PHKG2: variants seen among roughly 807,000 people sequenced by gnomAD.
PHKG2 encodes phosphorylase b kinase gamma catalytic chain, liver/testis isoform.
A neutral mutation model predicts 44.5 loss-of-function variants in PHKG2; 28 were observed. The observed-to-expected ratio is 0.63, with a 90% confidence interval of 0.47 to 0.86. The LOEUF (loss-of-function observed/expected upper bound fraction) is 0.86. Ranked by LOEUF, PHKG2 falls within the 40% of genes least tolerant of loss-of-function variation. PHKG2 has a pLI of 0.00. For missense variants in PHKG2, 498 were observed against 547.5 expected, an observed-to-expected ratio of 0.91 and a Z score of 0.90; for synonymous variants, 220 against 211.2, an observed-to-expected ratio of 1.04 and a Z score of -0.36.
rs376772095 is a variant in PHKG2, at chr16:30,759,440, C to T, written c.*2343C>T. ...AGCAGCTGTTCCTCTTTGAAGAGGT[C>T]GATGCTGAAAGGAGGCCGCTGTGGT... is the stretch of plus-strand genomic sequence containing the variant. On this transcript the variant is annotated 3_prime_UTR_variant, in exon 10 of 10. Transcript: ENST00000563588. 20 of 1,614,180 alleles carry T rather than the reference C, an allele frequency of 1.2e-5. No homozygotes were observed. Among genetic ancestry groups the T allele is most frequent in the Admixed American group, 3.3e-5 (2 of 60,018 alleles).
chr16:30,757,017 C>G lies in PHKG2; in HGVS notation c.1141C>G (p.Pro381Ala). Residue 381 changes from proline (P) to alanine (A), a missense_variant, in exon 10 of 10, where the codon CCT becomes GCT. Transcript: ENST00000563588. ...AALFQHRPPG[P>A]FPIMGPEEEG... ...TCTCTTTCAGCACCGGCCCCCTGGG[C>G]CTTTTCCCATCATGGGCCCTGAAGA... The G allele has an allele frequency of 6.2e-7, 1 of 1,612,334 alleles. No individual in the cohort carries two copies. The highest frequency in any genetic ancestry group is 8.5e-7 in the Non-Finnish European group (1 of 1,180,012).
chr16:30,753,810 C>T (rs1311763689), intron 6 of PHKG2, among the ~76,000 whole-genome samples: 16 of 152,042 alleles, frequency 1.1e-4, no homozygotes. Context: ...CAGGGGAACC[C>T]GGAGGAAGGA....
chr16:30,759,887 T>C lies in PHKG2; in HGVS notation c.*2790T>C. On this transcript the variant is annotated 3_prime_UTR_variant, in exon 10 of 10. Coordinates refer to ENST00000563588, the MANE Select transcript of PHKG2 (RefSeq NM_000294.3). ...TGTAACAAATACTGAATACCCACTA[T>C]ATGCCCACTGTATGGTTTTCGGCAC... 4 of 1,446,538 alleles carry C rather than the reference T, an allele frequency of 2.8e-6. No homozygotes were observed. The highest frequency in any genetic ancestry group is 3.6e-6 in the Non-Finnish European group (4 of 1,103,856). The allele number at this position is 1,446,538 out of a possible 1,614,324, so 89.6% of individuals were successfully genotyped here.
Position 30,759,244 on chromosome 16 carries a change from G to A in PHKG2, c.*2147G>A, listed in dbSNP as rs367827173. ...ATGTAAGTCAAAGACAGATCCAGCC[G>A]CACCTGGGAAGCAAGGCAGAGGGAG... On this transcript the variant is annotated 3_prime_UTR_variant, in exon 10 of 10. Transcript: ENST00000563588. 56 of 1,613,990 alleles carry A rather than the reference G, an allele frequency of 3.5e-5. No individual in the cohort carries two copies. The highest frequency in any genetic ancestry group is 4.4e-5 in the Non-Finnish European group (52 of 1,180,036).
chr16:30,753,822 C>A (rs954144508), intron 6 of PHKG2, among the ~76,000 whole-genome samples: 1 of 152,114 alleles, frequency 6.6e-6, no homozygotes, highest in South Asian at 2.1e-4. Flanking sequence ...GAGGAAGGAA[C>A]GCCAATTCAG....
intron 6 of PHKG2, 51 bp from the exon 7 acceptor site, chr16:30,756,131 G>A (rs1336972758): frequency 1.6e-5 from 22 of 1,339,684 alleles, no homozygotes; most frequent in Non-Finnish European, 2.2e-5. Flanking sequence ...CAGTGCTAAG[G>A]GCCCTAGAGG....
chr16:30,751,418 GC>G, intron 3 of PHKG2, 130 bp from the exon 4 acceptor site: 1 of 1,270,752 alleles, frequency 7.9e-7, no homozygotes, highest in Non-Finnish European at 1.2e-6. Flanking sequence ...TCCGTTGGGC[GC>G]CCACTGCCTC....
chr16:30,760,470 G>A lies in PHKG2; in HGVS notation c.*3373G>A. 1.9e-6 allele frequency: 3 copies of A among 1,613,400 alleles called. No individual in the cohort carries two copies. Among genetic ancestry groups the A allele is most frequent in the Non-Finnish European group, 2.5e-6 (3 of 1,179,522 alleles). On this transcript the variant is annotated 3_prime_UTR_variant, in exon 10 of 10. Coordinates refer to ENST00000563588, the MANE Select transcript of PHKG2 (RefSeq NM_000294.3). The stretch of plus-strand genomic sequence containing the variant: ...GCCAGCACCCTTGGGAGGGAGAGAG[G>A]AGTGAGTGACAACTGGGCCTCCTTT...
chr16:30,749,428 A>G (rs1403613842), intron 2 of PHKG2, among the ~76,000 whole-genome samples: 1 of 151,000 alleles, frequency 6.6e-6, no homozygotes, highest in Admixed American at 6.6e-5. Flanking sequence ...GCTCACTACA[A>G]CCTCTGCCTC....
At position 30,759,399 on chromosome 16, in the gene PHKG2, G is replaced by A. The variant is rs1336009208; in HGVS notation, c.*2302G>A. 6 of 1,614,114 alleles carry A rather than the reference G, an allele frequency of 3.7e-6. No homozygotes were observed. The highest frequency in any genetic ancestry group is 1.3e-5 in the African/African-American group (1 of 74,934). On this transcript the variant is annotated 3_prime_UTR_variant, in exon 10 of 10. Coordinates refer to ENST00000563588, the MANE Select transcript of PHKG2 (RefSeq NM_000294.3). Reference sequence around the variant, plus strand: ...AGTGGCGGAAGTAAGTGTTGACCACGTAGTCTTCCAAGGCCAGCAGCTGTT... The same window carrying A: ...AGTGGCGGAAGTAAGTGTTGACCACATAGTCTTCCAAGGCCAGCAGCTGTT...
chr16:30,750,292 T>C (rs1437079857), intron 2 of PHKG2, among the ~76,000 whole-genome samples: 3 of 152,178 alleles, frequency 2.0e-5, no homozygotes, highest in African/African-American at 7.2e-5. Context: ...TTACATCCCT[T>C]GATTTAACTA....
chr16:30,751,229 C>T lies in PHKG2; in HGVS notation c.219C>T (p.Ala73=). The change falls in exon 3 of 10, where the codon GCC becomes GCT. Residue 73 remains alanine, a synonymous_variant. Coordinates refer to ENST00000563588, the MANE Select transcript of PHKG2 (RefSeq NM_000294.3). ...SPEQLEEVRE[A]TRRETHILRQ... is the part of the protein sequence containing the mutation. ...AGCAGCTGGAGGAGGTGCGGGAAGC[C>T]ACACGGCGAGAGACACACATCCTTC... is the stretch of plus-strand genomic sequence containing the variant. 1 of 1,613,210 alleles carries T rather than the reference C, an allele frequency of 6.2e-7. No individual in the cohort carries two copies. Among genetic ancestry groups the T allele is most frequent in the Non-Finnish European group, 8.5e-7 (1 of 1,180,032 alleles).
Position 30,758,824 on chromosome 16 carries a change from C to A in PHKG2, c.*1727C>A. 2 of 976,116 alleles carry A rather than the reference C, an allele frequency of 2.0e-6. No individual in the cohort carries two copies. Among genetic ancestry groups the A allele is most frequent in the Non-Finnish European group, 2.9e-6 (2 of 681,442 alleles). The allele number at this position is 976,116 out of a possible 1,614,324, so 60.5% of individuals were successfully genotyped here. A position where few individuals can be genotyped will look rare whatever the true frequency, so the allele number is the denominator to read the frequency against. On this transcript the variant is annotated 3_prime_UTR_variant, in exon 10 of 10. Transcript: ENST00000563588. Reference sequence around the variant, plus strand: ...CCTGCCTCAGATTGTGCTGGGATTACAGGTGTGAGCCACCACGCCTGGCCT... The same window carrying A: ...CCTGCCTCAGATTGTGCTGGGATTAAAGGTGTGAGCCACCACGCCTGGCCT...
chr16:30,754,194 C>G (rs986621095), intron 6 of PHKG2, among the ~76,000 whole-genome samples: 20 of 145,304 alleles, frequency 1.4e-4, no homozygotes, highest in African/African-American at 5.1e-4. Flanking sequence ...GAGACAGAGT[C>G]TCACTCTGTC....
chr16:30,751,572 T>TCTTCTAGGATCCGCCCACCTGGACCTAG lies in PHKG2; in HGVS notation c.302_303insGATCCGCCCACCTGGACCTAGCTTCTAG (p.Ser101ArgfsTer10). The TCTTCTAGGATCCGCCCACCTGGACCTAG allele has an allele frequency of 6.2e-7, 1 of 1,613,824 alleles. No individual in the cohort carries two copies. The highest frequency in any genetic ancestry group is 8.5e-7 in the Non-Finnish European group (1 of 1,179,760). ...AGTCACCCTCATCGATTCCTACGAG[T>TCTTCTAGGATCCGCCCACCTGGACCTAG]CTTCTAGCTTCATGTTCCTGGTGTT... On this transcript the variant is annotated frameshift_variant, in exon 4 of 10. Transcript: ENST00000563588. LOFTEE classifies it high-confidence loss of function.
chr16:30,750,994 C>T, intron 2 of PHKG2, 112 bp from the exon 3 acceptor site: 4 of 1,128,980 alleles, frequency 3.5e-6, no homozygotes, highest in Non-Finnish European at 5.3e-6. Context: ...GCCCTGTGAT[C>T]CAGATGGGTC....
Position 30,759,457 on chromosome 16 carries a change from C to T in PHKG2, c.*2360C>T, listed in dbSNP as rs1239648362. On this transcript the variant is annotated 3_prime_UTR_variant, in exon 10 of 10. Transcript: ENST00000563588. ...GAAGAGGTCGATGCTGAAAGGAGGC[C>T]GCTGTGGTGGTGACTCGGAATTAGA... 6.2e-7 allele frequency: 1 copy of T among 1,614,056 alleles called. No individual in the cohort carries two copies. The highest frequency in any genetic ancestry group is 1.3e-5 in the African/African-American group (1 of 74,894).
intron 1 of PHKG2, 62 bp downstream of exon 1, chr16:30,748,552 C>G (rs1168004614): frequency 1.9e-6 from 1 of 535,232 alleles, no homozygotes; most frequent in Non-Finnish European, 3.3e-6. Context: ...TGCGCGGCAA[C>G]AGCCGCCTGC....
In PHKG2 at chr16:30,756,436, C is replaced by A. The variant is rs1377701438; in HGVS notation, c.717C>A (p.Ile239=). The change falls in exon 8 of 10, where the codon ATC becomes ATA. Residue 239 remains isoleucine (I), a synonymous_variant. Coordinates refer to ENST00000563588, the MANE Select transcript of PHKG2 (RefSeq NM_000294.3). The part of the protein sequence containing the change: ...GSPPFWHRRQ[I]LMLRMIMEGQ... ...CACCCTTCTGGCACCGGCGGCAGAT[C>A]CTGATGTTACGCATGATCATGGAGG... 2.5e-6 allele frequency: 4 copies of A among 1,613,980 alleles called. No homozygotes were observed. The East Asian group carries it at 6.7e-5, about 27-fold the overall frequency.
Sources: allele counts gnomAD v4.1 joint callset (sites outside exome capture counted in the v4.1 genomes callset), GRCh38; gene constraint gnomAD v4.1.1; transcripts MANE v1.5; gene names NCBI Gene and HGNC (gene_info 2026-07-23, HGNC 2026-07-21).